The following ADCY2 variants were observed in gnomAD, a reference collection of about 807,000 sequenced individuals.
ADCY2 encodes the protein adenylate cyclase 2.
In ADCY2, 31 loss-of-function variants were observed where a neutral mutation model predicts 125.2. The ratio of observed to expected loss-of-function variants is 0.25; its 90% CI spans 0.19 to 0.33. The LOEUF (loss-of-function observed/expected upper bound fraction) is 0.33. Among genes scored for constraint, ADCY2 ranks in the 10% least tolerant of loss-of-function variants. ADCY2 has a pLI of 1.00. For missense variants in ADCY2, 904 were observed against 1,418.2 expected, an observed-to-expected ratio of 0.64 and a Z score of 5.82; for synonymous variants, 512 against 548.4, an observed-to-expected ratio of 0.93 and a Z score of 0.93.
intron 3 of ADCY2, among the ~76,000 whole-genome samples, chr5:7,589,518 A>AGAAAG (rs199516495): frequency 1.0e-5 from 1 of 98,388 alleles, no homozygotes; most frequent in African/African-American, 3.2e-5. Context: ...AAGAAAAGAA[A>AGAAAG]AGAAAGAGAA....
chr5:7,608,704 C>T (rs886557638), intron 3 of ADCY2, among the ~76,000 whole-genome samples: 6 of 152,202 alleles, frequency 3.9e-5, no homozygotes, highest in Admixed American at 3.9e-4. Flanking sequence ...TCTAATGCCA[C>T]AGGTATATTG....
At chr5:7,823,130 TG>T (rs1295206212) in intron 24 of ADCY2, among the ~76,000 whole-genome samples, 1 of 152,268 alleles carries the variant, frequency 6.6e-6, no homozygotes, top group African/African-American at 2.4e-5. Flanking sequence ...CTTTAATTTT[TG>T]TATGGAATGG....
At chr5:7,751,938 T>A (rs1395053269) in intron 15 of ADCY2, among the ~76,000 whole-genome samples, 1 of 152,054 alleles carries the variant, frequency 6.6e-6, no homozygotes, top group East Asian at 1.9e-4. Flanking sequence ...GTAAACAGAA[T>A]CAACACGTAT....
At chr5:7,398,763 G>A (rs1739152128) in intron 1 of ADCY2, among the ~76,000 whole-genome samples, 1 of 152,384 alleles carries the variant, frequency 6.6e-6, no homozygotes, top group African/African-American at 2.4e-5. Context: ...CAAGTCGGAA[G>A]GAGCTATGCC....
intron 4 of ADCY2, among the ~76,000 whole-genome samples, chr5:7,684,463 A>C (rs1217022432): frequency 6.6e-6 from 1 of 152,256 alleles, no homozygotes; most frequent in Non-Finnish European, 1.5e-5. Context: ...GATGATAAAC[A>C]GTTCCGGTTT....
At chr5:7,403,794 G>T (rs1739359500) in intron 1 of ADCY2, among the ~76,000 whole-genome samples, 1 of 151,970 alleles carries the variant, frequency 6.6e-6, no homozygotes, top group Non-Finnish European at 1.5e-5. Flanking sequence ...TTTCCTTGTG[G>T]AGAATCAATT....
intron 4 of ADCY2, among the ~76,000 whole-genome samples, chr5:7,657,618 A>T (rs1739383143): frequency 6.6e-6 from 1 of 152,222 alleles, no homozygotes; most frequent in Non-Finnish European, 1.5e-5. Flanking sequence ...TTTAATGCAT[A>T]AACAAAGTAC....
chr5:7,804,382 T>C (rs1336535033), intron 21 of ADCY2, among the ~76,000 whole-genome samples: 1 of 152,250 alleles, frequency 6.6e-6, no homozygotes, highest in East Asian at 1.9e-4. Context: ...ATCATTATGC[T>C]GTACTTTCCT....
chr5:7,715,390 C>T (rs560900333), intron 11 of ADCY2, among the ~76,000 whole-genome samples: 1 of 152,242 alleles, frequency 6.6e-6, no homozygotes, highest in African/African-American at 2.4e-5. Context: ...TTACACTGCT[C>T]CTTCTTAGAC....
chr5:7,827,510 A>G lies in ADCY2; in HGVS notation c.*639A>G, dbSNP rs1745528765. 1 of 152,418 alleles carries G rather than the reference A, an allele frequency of 6.6e-6. No individual in the cohort carries two copies. Among genetic ancestry groups the G allele is most frequent in the Admixed American group, 6.5e-5 (1 of 15,286 alleles). The allele number at this position is 152,418 out of a possible 1,614,324, so 9.4% of individuals were successfully genotyped here. A position where few individuals can be genotyped will look rare whatever the true frequency, so the allele number is the denominator to read the frequency against. ...CATTTGTCTTTTGTAAAGTTAATTC[A>G]TTAAAAGTTTTATGTACTTTGATTT... is the stretch of plus-strand genomic sequence containing the variant. On this transcript the variant is annotated 3_prime_UTR_variant, in exon 25 of 25. Coordinates refer to ENST00000338316, the MANE Select transcript of ADCY2 (RefSeq NM_020546.3).
chr5:7,736,573 C>A (rs1742257835), intron 14 of ADCY2, among the ~76,000 whole-genome samples: 2 of 152,046 alleles, frequency 1.3e-5, no homozygotes, highest in Non-Finnish European at 2.9e-5. Context: ...AAAATGTTAA[C>A]AACTCTTCTG....
At position 7,828,644 on chromosome 5, in the gene ADCY2, C is replaced by T. The variant is rs1199837722; in HGVS notation, c.*1773C>T. 6.6e-6 allele frequency: 1 copy of T among 152,342 alleles called. No individual in the cohort carries two copies. Among genetic ancestry groups the T allele is most frequent in the Non-Finnish European group, 1.5e-5 (1 of 68,046 alleles). The allele number at this position is 152,342 out of a possible 1,614,324, so 9.4% of individuals were successfully genotyped here. A position where few individuals can be genotyped will look rare whatever the true frequency, so the allele number is the denominator to read the frequency against. On this transcript the variant is annotated 3_prime_UTR_variant, in exon 25 of 25. Coordinates refer to ENST00000338316, the MANE Select transcript of ADCY2 (RefSeq NM_020546.3). ...ATTTTTTGATCCTGTAATCACAACTCAGCATTGGCCTTAATATACCTAAAT... is the reference window on the plus strand; with the variant it reads ...ATTTTTTGATCCTGTAATCACAACTTAGCATTGGCCTTAATATACCTAAAT...
chr5:7,742,077 T>C (rs968066068), intron 14 of ADCY2, among the ~76,000 whole-genome samples: 14 of 149,392 alleles, frequency 9.4e-5, no homozygotes, highest in Admixed American at 4.7e-4. Context: ...CTCAGCCTTA[T>C]GAATCTGGCA....
chr5:7,818,514 A>G (rs1014407121), intron 23 of ADCY2, among the ~76,000 whole-genome samples: 3 of 152,006 alleles, frequency 2.0e-5, no homozygotes, highest in African/African-American at 7.2e-5. Flanking sequence ...GTGCCACCAC[A>G]CCTGGCTAAT....
chr5:7,466,999 C>T (rs1403077211), intron 2 of ADCY2, among the ~76,000 whole-genome samples: 14 of 152,168 alleles, frequency 9.2e-5, no homozygotes, highest in Admixed American at 9.2e-4. Flanking sequence ...TCCTCGTCAG[C>T]CTGGTCAGCC....
chr5:7,784,354 T>C lies in ADCY2; in HGVS notation c.2385-11T>C, dbSNP rs1453616777. On this transcript the variant is annotated splice_polypyrimidine_tract_variant and intron_variant, in intron 18 of 24. Transcript: ENST00000338316. Reference sequence around the variant, plus strand: ...GCATTGTTGTCTGTTTGTCTGTCTGTTTTTTAATAGACCAGGCATTTGGAA... The same window carrying C: ...GCATTGTTGTCTGTTTGTCTGTCTGCTTTTTAATAGACCAGGCATTTGGAA... The C allele has an allele frequency of 6.2e-7, 1 of 1,608,628 alleles. No homozygotes were observed. Among genetic ancestry groups the C allele is most frequent in the Non-Finnish European group, 8.5e-7 (1 of 1,175,402 alleles).
rs191236931 is a variant in ADCY2 at position 7,593,532 on chromosome 5, G to A, written c.571-32635G>A. ...ACTTTGTTACCAACAGGGATGGAGC[G>A]TAGGAGAAAGAAGGAAAGGATAGGA... On this transcript the variant is annotated intron_variant, in intron 3 of 24. Transcript: ENST00000338316. 2.0e-4 allele frequency among the ~76,000 whole-genome samples: 31 copies of A among 152,048 alleles called. No individual in the cohort carries two copies. The East Asian group carries it at 2.5e-3, about 12-fold the overall frequency.
chr5:7,479,315 C>T (rs951519687), intron 2 of ADCY2, among the ~76,000 whole-genome samples: 14 of 151,380 alleles, frequency 9.2e-5, no homozygotes, highest in African/African-American at 3.2e-4. Flanking sequence ...GGGATCATAA[C>T]GTTATTTACT....
intron 2 of ADCY2, among the ~76,000 whole-genome samples, chr5:7,435,913 A>G (rs1157316540): frequency 2.0e-5 from 3 of 152,212 alleles, no homozygotes; most frequent in African/African-American, 7.2e-5. Context: ...GAATGAAGGC[A>G]CTGTAAAATT....
Sources: allele counts gnomAD v4.1 joint callset (sites outside exome capture counted in the v4.1 genomes callset), GRCh38; gene constraint gnomAD v4.1.1; transcripts MANE v1.5; gene names NCBI Gene and HGNC (gene_info 2026-07-23, HGNC 2026-07-21).